PIEZO2: variants seen among roughly 807,000 people sequenced by gnomAD.
PIEZO2 encodes piezo type mechanosensitive ion channel component 2, also known as piezo-type mechanosensitive ion channel component 2.
A neutral mutation model predicts 337.3 loss-of-function variants in PIEZO2; 172 were observed. That is an observed-to-expected ratio of 0.51 (90% CI 0.45 to 0.58). PIEZO2 has a LOEUF of 0.58. Ranked by LOEUF, PIEZO2 falls within the 20% of genes least tolerant of loss-of-function variation. The pLI, the probability that PIEZO2 is intolerant of heterozygous loss-of-function variation, is 0.00. For missense variants in PIEZO2, 3,028 were observed against 3,391.3 expected (o/e 0.89, Z 2.66); for synonymous variants, 1,251 against 1,228.5 (o/e 1.02, Z -0.38).
intron 2 of PIEZO2, among the ~76,000 whole-genome samples, chr18:10,986,727 T>C (rs1188878574): frequency 6.6e-6 from 1 of 151,950 alleles, no homozygotes; most frequent in Non-Finnish European, 1.5e-5. Context: ...GGAACAGTTA[T>C]GGTAGAGAAA....
At chr18:11,034,748 G>A (rs2036864644) in intron 2 of PIEZO2, among the ~76,000 whole-genome samples, 1 of 152,152 alleles carries the variant, frequency 6.6e-6, no homozygotes, top group African/African-American at 2.4e-5. Context: ...GGGAGACTGA[G>A]GCAGGAGAAT....
At chr18:10,703,927 G>C (rs1199273267) in intron 42 of PIEZO2, among the ~76,000 whole-genome samples, 1 of 152,152 alleles carries the variant, frequency 6.6e-6, no homozygotes, top group African/African-American at 2.4e-5. Context: ...TTCAAACTAT[G>C]TCCAAAGTGC....
In PIEZO2 at chr18:11,009,344, G is replaced by A. The variant is rs2035819411; in HGVS notation, c.161-29684C>T. On this transcript the variant is annotated intron_variant, in intron 2 of 55. Coordinates refer to ENST00000674853, the MANE Select transcript of PIEZO2 (RefSeq NM_001378183.1). The surrounding 1 kb of genome is among the most constrained non-coding windows in gnomAD (Gnocchi z 4.6). ...GGATGTCCAGACTCCACCCCTGGAA[G>A]TTCTGACCTCATTTTTCTGGGGTGG... 6.6e-6 allele frequency among the ~76,000 whole-genome samples: 1 copy of A among 152,164 alleles called. No individual in the cohort carries two copies. Among genetic ancestry groups the A allele is most frequent in the East Asian group, 1.9e-4 (1 of 5,194 alleles).
At chr18:10,864,797 G>T (rs1274895799) in intron 5 of PIEZO2, among the ~76,000 whole-genome samples, 1 of 152,176 alleles carries the variant, frequency 6.6e-6, no homozygotes, top group Non-Finnish European at 1.5e-5. Context: ...AGACAAGATG[G>T]AGAAGAACAT....
chr18:10,881,098 AAAAC>A (rs752301998), intron 4 of PIEZO2, among the ~76,000 whole-genome samples: 75 of 151,866 alleles, frequency 4.9e-4, no homozygotes, highest in African/African-American at 8.2e-4. Flanking sequence ...CGCATTAGAG[AAAAC>A]AAACAGTTAG....
At chr18:10,849,011 G>T (rs1304879738) in intron 7 of PIEZO2, among the ~76,000 whole-genome samples, 1 of 152,022 alleles carries the variant, frequency 6.6e-6, no homozygotes, top group Admixed American at 6.5e-5. Context: ...TTCACCCAAG[G>T]ATTCCTTTTT....
intron 7 of PIEZO2, among the ~76,000 whole-genome samples, chr18:10,840,245 T>C (rs78962290): frequency 0.058 from 8,827 of 152,286 alleles, 360 homozygotes; most frequent in Non-Finnish European, 0.084. Flanking sequence ...ATTAATTTGT[T>C]CTATAAGAAT....
At position 10,870,871 on chromosome 18, in the gene PIEZO2, C is replaced by T. The variant is rs1330063574; in HGVS notation, c.492+382G>A. Reference sequence around the variant, plus strand: ...TGCAAGGAGGAACTCATTTTTTTCCCTAAAACTACCAGATGTTACTTCTTT... The same window carrying T: ...TGCAAGGAGGAACTCATTTTTTTCCTTAAAACTACCAGATGTTACTTCTTT... On this transcript the variant is annotated intron_variant, in intron 5 of 55. Transcript: ENST00000674853. This position sits in a 1 kb window ranked among gnomAD's most constrained non-coding sequence, Gnocchi z 5.3. Among the ~76,000 whole-genome samples, 1 of 152,078 alleles carries T rather than the reference C, an allele frequency of 6.6e-6. No individual in the cohort carries two copies. Among genetic ancestry groups the T allele is most frequent in the Non-Finnish European group, 1.5e-5 (1 of 68,008 alleles).
rs1160710019 is a variant in PIEZO2, at chr18:11,116,806, C to T, written c.64+31719G>A. Among the ~76,000 whole-genome samples, 1 of 151,132 alleles carries T rather than the reference C, an allele frequency of 6.6e-6. No homozygotes were observed. The highest frequency in any genetic ancestry group is 1.5e-5 in the Non-Finnish European group (1 of 67,776). On this transcript the variant is annotated intron_variant, in intron 1 of 55. Coordinates refer to ENST00000674853, the MANE Select transcript of PIEZO2 (RefSeq NM_001378183.1). The surrounding 1 kb of genome is among the most constrained non-coding windows in gnomAD (Gnocchi z 5.0). ...AGCACAGTAGGGTGACTATAGTTAA[C>T]AATAATTTATTGTGTATTTCAGCCA...
Position 10,807,181 on chromosome 18 carries a change from G to A in PIEZO2, c.1011C>T (p.Asn337=). The A allele has an allele frequency of 6.5e-7, 1 of 1,537,238 alleles. No individual in the cohort carries two copies. Among genetic ancestry groups the A allele is most frequent in the Admixed American group, 2.0e-5 (1 of 51,006 alleles). ...AGTACATCACCAGCAGGAGGATAGG[G>A]TTGGCGTGGTGGTACCACGACAGGT... is the stretch of plus-strand genomic sequence containing the variant. ...NPDLSWYHHA[N]PILLLVMYYT... Residue 337 remains asparagine (N), a synonymous_variant, in exon 8 of 56, where the codon AAC becomes AAT. Coordinates refer to ENST00000674853, the MANE Select transcript of PIEZO2 (RefSeq NM_001378183.1).
intron 20 of PIEZO2, among the ~76,000 whole-genome samples, chr18:10,771,012 T>C (rs2038584220): frequency 6.6e-6 from 1 of 152,194 alleles, no homozygotes; most frequent in Non-Finnish European, 1.5e-5. Flanking sequence ...AGTACAGGCA[T>C]GAGCGCCCAT....
rs545601956 is a variant in PIEZO2 at position 10,943,991 on chromosome 18, G to A, written c.287-32763C>T. On this transcript the variant is annotated intron_variant, in intron 3 of 55. Transcript: ENST00000674853. The surrounding 1 kb of genome is among the most constrained non-coding windows in gnomAD (Gnocchi z 4.5). ...GACTTCCTCCTACTTGCCTTCTGCC[G>A]TAATTGTGAGGCCTCCCCAGCCATG... Among the ~76,000 whole-genome samples, 48 of 152,204 alleles carry A rather than the reference G, an allele frequency of 3.2e-4. No individual in the cohort carries two copies. Among genetic ancestry groups the A allele is most frequent in the Admixed American group, 8.5e-4 (13 of 15,268 alleles).
Position 10,952,892 on chromosome 18 carries a change from C to T in PIEZO2, c.286+26643G>A, listed in dbSNP as rs1434043555. Among the ~76,000 whole-genome samples, 1 of 149,802 alleles carries T rather than the reference C, an allele frequency of 6.7e-6. No individual in the cohort carries two copies. Among genetic ancestry groups the T allele is most frequent in the Admixed American group, 6.7e-5 (1 of 14,852 alleles). On this transcript the variant is annotated intron_variant, in intron 3 of 55. Coordinates refer to ENST00000674853, the MANE Select transcript of PIEZO2 (RefSeq NM_001378183.1). This position sits in a 1 kb window ranked among gnomAD's most constrained non-coding sequence, Gnocchi z 4.1. ...CTTCCTTCCTTCCTTCCTTTCATCC[C>T]TCCCTCCATCCCTCCCTCCCTCCTT... is the stretch of plus-strand genomic sequence containing the variant.
At chr18:11,067,474 A>C (rs536130113) in intron 1 of PIEZO2, among the ~76,000 whole-genome samples, 6 of 152,228 alleles carry the variant, frequency 3.9e-5, no homozygotes, top group African/African-American at 1.4e-4. Context: ...TAAAGACCCA[A>C]GTATATGCTG....
chr18:10,978,497 C>A (rs562833853), intron 3 of PIEZO2, among the ~76,000 whole-genome samples: 135 of 152,254 alleles, frequency 8.9e-4, no homozygotes, highest in African/African-American at 3.2e-3. Context: ...ATCAAAGGAA[C>A]TCTGAAATCA....
At position 11,016,776 on chromosome 18, in the gene PIEZO2, T is replaced by C. The variant is rs2036129034; in HGVS notation, c.161-37116A>G. On this transcript the variant is annotated intron_variant, in intron 2 of 55. Coordinates refer to ENST00000674853, the MANE Select transcript of PIEZO2 (RefSeq NM_001378183.1). This position sits in a 1 kb window ranked among gnomAD's most constrained non-coding sequence, Gnocchi z 5.6. ...CCTTCCCAGTTTTCATCCCCATACA[T>C]GTGGATTTGATATATTTATTTAGAT... 2.6e-5 allele frequency among the ~76,000 whole-genome samples: 4 copies of C among 152,160 alleles called. No homozygotes were observed. Among genetic ancestry groups the C allele is most frequent in the Admixed American group, 6.5e-5 (1 of 15,288 alleles).
At chr18:10,753,039 ATAGT>A (rs1285893019) in intron 27 of PIEZO2, among the ~76,000 whole-genome samples, 160 bp from the exon 28 acceptor site, 11 of 152,208 alleles carry the variant, frequency 7.2e-5, no homozygotes, top group African/African-American at 2.2e-4. Flanking sequence ...AAACCCTCAA[ATAGT>A]TAGTAATAGA....
intron 7 of PIEZO2, among the ~76,000 whole-genome samples, chr18:10,838,015 G>A (rs1480904336): frequency 6.6e-6 from 1 of 152,074 alleles, no homozygotes; most frequent in Non-Finnish European, 1.5e-5. Flanking sequence ...GCCTCCCAAA[G>A]TTCTGTGTTT....
In PIEZO2 at chr18:10,750,162, G is replaced by A; in HGVS notation, c.4193C>T (p.Thr1398Ile). The A allele has an allele frequency of 1.3e-6, 2 of 1,537,000 alleles. No homozygotes were observed. The highest frequency in any genetic ancestry group is 1.4e-5 in the African/African-American group (1 of 73,148). ...CAACCAACAACTATTGTGCACCAAT[G>A]TTCCAATGTATCCACATGCTCCTAT... is the stretch of plus-strand genomic sequence containing the variant. ...LSIGACGYIG[T>I]LVHNSCWLIQ... Residue 1398 changes from threonine (T) to isoleucine (I), a missense_variant, in exon 29 of 56, where the codon ACA becomes ATA. Transcript: ENST00000674853. The surrounding 1 kb of genome is among the most constrained non-coding windows in gnomAD (Gnocchi z 4.1).
Sources: gnomAD v4.1 joint callset for allele counts (sites outside exome capture counted in the v4.1 genomes callset) on GRCh38, gnomAD v4.1.1 for gene constraint, Gnocchi (gnomAD v3.1) non-coding constraint, MANE v1.5 for transcripts, NCBI Gene and HGNC (gene_info 2026-07-23, HGNC 2026-07-21) for gene names.